Variants in ERBB4 observed in about 807,000 individuals in gnomAD.
ERBB4 encodes erb-b2 receptor tyrosine kinase 4.
A neutral mutation model predicts 158.0 loss-of-function variants in ERBB4; 42 were observed. The ratio of observed to expected loss-of-function variants is 0.27; its 90% CI spans 0.21 to 0.34. The LOEUF (loss-of-function observed/expected upper bound fraction) is 0.34. Among genes scored for constraint, ERBB4 ranks in the 10% least tolerant of loss-of-function variants. ERBB4 has a pLI of 1.00. For synonymous variants in ERBB4, 583 were observed against 558.7 expected, an observed-to-expected ratio of 1.04 and a Z score of -0.61; for missense variants, 1,333 against 1,624.1, an observed-to-expected ratio of 0.82 and a Z score of 3.08.
intron 1 of ERBB4, among the ~76,000 whole-genome samples, chr2:212,231,211 G>T (rs2083654273): frequency 6.6e-6 from 1 of 151,946 alleles, no homozygotes; most frequent in African/African-American, 2.4e-5. Context: ...GACATGTTTT[G>T]AAGGAACGAT....
intron 3 of ERBB4, among the ~76,000 whole-genome samples, chr2:211,796,771 T>C (rs2076390751): frequency 6.6e-6 from 1 of 151,946 alleles, no homozygotes; most frequent in South Asian, 2.1e-4. Flanking sequence ...AGAAAGGTCT[T>C]ACTATGTGTA....
At position 211,515,983 on chromosome 2, in the gene ERBB4, C is replaced by T. The variant is rs184421139; in HGVS notation, c.2487+45920G>A. 7.1e-3 allele frequency among the ~76,000 whole-genome samples: 994 copies of T among 140,058 alleles called. 8 individuals are homozygous for T. The highest frequency in any genetic ancestry group is 0.01 in the Non-Finnish European group (690 of 65,748). The allele number at this position is 140,058 out of a possible 152,430, so 91.9% of individuals were successfully genotyped here. Reference sequence around the variant, plus strand: ...AAGCTGGAGTGCAGTGGCCTGATCTCGACTCACTGCAAGCTCTGCCTCCCA... The same window carrying T: ...AAGCTGGAGTGCAGTGGCCTGATCTTGACTCACTGCAAGCTCTGCCTCCCA... On this transcript the variant is annotated intron_variant, in intron 20 of 27. Coordinates refer to ENST00000342788, the MANE Select transcript of ERBB4 (RefSeq NM_005235.3).
intron 25 of ERBB4, among the ~76,000 whole-genome samples, chr2:211,418,812 T>G (rs2125399622): frequency 6.6e-6 from 1 of 152,230 alleles, no homozygotes; most frequent in African/African-American, 2.4e-5. Context: ...CTTAACCGCT[T>G]TCTTCCCCTC....
chr2:212,076,624 A>C (rs1296556577), intron 2 of ERBB4, among the ~76,000 whole-genome samples: 1 of 151,978 alleles, frequency 6.6e-6, no homozygotes. Flanking sequence ...ATAGAAAGAA[A>C]CCACATTCTT....
chr2:211,576,314 T>C (rs2067891278), intron 19 of ERBB4, among the ~76,000 whole-genome samples: 1 of 152,082 alleles, frequency 6.6e-6, no homozygotes, highest in Non-Finnish European at 1.5e-5. Context: ...GAGTACCTCA[T>C]AAAGAATCTC....
At chr2:211,462,811 T>C (rs548831499) in intron 20 of ERBB4, among the ~76,000 whole-genome samples, 1 of 152,328 alleles carries the variant, frequency 6.6e-6, no homozygotes, top group South Asian at 2.1e-4. Context: ...ATTTAAATAG[T>C]TCATATTGAA....
At chr2:211,457,393 G>A (rs2064409714) in intron 20 of ERBB4, among the ~76,000 whole-genome samples, 1 of 152,154 alleles carries the variant, frequency 6.6e-6, no homozygotes, top group South Asian at 2.1e-4. Context: ...ATTTGATGAA[G>A]TATCATATGT....
chr2:212,124,145 A>C (rs1464895702), intron 2 of ERBB4, among the ~76,000 whole-genome samples: 1 of 150,026 alleles, frequency 6.7e-6, no homozygotes, highest in Non-Finnish European at 1.5e-5. Flanking sequence ...AAAGCAAAAA[A>C]TAATAATAAT....
rs146646485 is a variant in ERBB4 at position 211,973,490 on chromosome 2, C to T, written c.235-25874G>A. Among the ~76,000 whole-genome samples, 351 of 152,216 alleles carry T rather than the reference C, an allele frequency of 2.3e-3. 1 individual carries two copies. The highest frequency in any genetic ancestry group is 0.01 in the Middle Eastern group (3 of 294). ...TGCTGGGATTAAAGGCATGAGCCAC[C>T]GTGCCCAGCCGGGAAATTAAAAACT... On this transcript the variant is annotated intron_variant, in intron 2 of 27. Transcript: ENST00000342788.
chr2:212,261,117 C>T (rs1481132599), intron 1 of ERBB4, among the ~76,000 whole-genome samples: 2 of 152,158 alleles, frequency 1.3e-5, no homozygotes, highest in African/African-American at 2.4e-5. Flanking sequence ...AGAAGTCCCA[C>T]CTGAATGTTC....
chr2:212,223,509 C>A (rs190559971), intron 1 of ERBB4, among the ~76,000 whole-genome samples: 4 of 150,168 alleles, frequency 2.7e-5, no homozygotes, highest in African/African-American at 9.7e-5. Context: ...CTTGTTCAGC[C>A]ACACACAGAT....
chr2:212,118,242 T>C (rs1049976716), intron 2 of ERBB4, among the ~76,000 whole-genome samples: 1 of 152,190 alleles, frequency 6.6e-6, no homozygotes, highest in Non-Finnish European at 1.5e-5. Flanking sequence ...TGGTTGTTCA[T>C]CCTTACTGAA....
rs116272878 is a variant in ERBB4 at position 211,441,337 on chromosome 2, T to G, written c.2488-10237A>C. ...AAAATGTGAATCATCTATCTTTAAT[T>G]ATTAAAACTGTCAAGAAATTGTCCT... On this transcript the variant is annotated intron_variant, in intron 20 of 27. Coordinates refer to ENST00000342788, the MANE Select transcript of ERBB4 (RefSeq NM_005235.3). 2.0e-3 allele frequency among the ~76,000 whole-genome samples: 305 copies of G among 152,236 alleles called. 3 individuals carry two copies. Among genetic ancestry groups the G allele is most frequent in the African/African-American group, 7.0e-3 (290 of 41,534 alleles).
At chr2:212,497,569 T>A (rs1311021857) in intron 1 of ERBB4, among the ~76,000 whole-genome samples, 1 of 152,190 alleles carries the variant, frequency 6.6e-6, no homozygotes, top group Non-Finnish European at 1.5e-5. Context: ...GTTCTCTGGA[T>A]GAAGGTCTAG....
intron 3 of ERBB4, among the ~76,000 whole-genome samples, chr2:211,810,067 A>C (rs953690709): frequency 6.6e-6 from 1 of 152,072 alleles, no homozygotes; most frequent in Non-Finnish European, 1.5e-5. Context: ...GTTTGTTGTG[A>C]TTTCTGTTCT....
At chr2:212,046,088 A>G (rs535007138) in intron 2 of ERBB4, among the ~76,000 whole-genome samples, 1 of 152,344 alleles carries the variant, frequency 6.6e-6, no homozygotes, top group African/African-American at 2.4e-5. Context: ...TAAAGATGGG[A>G]AACCCAATCC....
At chr2:212,268,363 T>C (rs1672456408) in intron 1 of ERBB4, among the ~76,000 whole-genome samples, 1 of 151,906 alleles carries the variant, frequency 6.6e-6, no homozygotes, top group Non-Finnish European at 1.5e-5. Flanking sequence ...AACAAAATCA[T>C]ATAAAGTTCC....
intron 2 of ERBB4, among the ~76,000 whole-genome samples, chr2:212,120,911 C>A (rs1222433460): frequency 1.3e-5 from 2 of 152,080 alleles, no homozygotes; most frequent in African/African-American, 4.8e-5. Context: ...ATGGTAAAAT[C>A]ACTATATTTT....
chr2:211,879,951 A>G (rs1026317942), intron 3 of ERBB4, among the ~76,000 whole-genome samples: 16 of 151,072 alleles, frequency 1.1e-4, no homozygotes, highest in Non-Finnish European at 1.8e-4. Context: ...TGAAAGTTAT[A>G]TATTTAAACT....
Sources: allele counts gnomAD v4.1 joint callset (sites outside exome capture counted in the v4.1 genomes callset), GRCh38; gene constraint gnomAD v4.1.1; transcripts MANE v1.5; gene names NCBI Gene and HGNC (gene_info 2026-07-23, HGNC 2026-07-21).